LRRC4C: variants seen among roughly 807,000 people sequenced by gnomAD.
LRRC4C encodes leucine rich repeat containing 4C.
LRRC4C carries 5 observed loss-of-function variants against 33.6 expected under a neutral mutation model. The ratio of observed to expected loss-of-function variants is 0.15; its 90% CI spans 0.08 to 0.31. The LOEUF is 0.31. Ranked by LOEUF, LRRC4C falls within the 10% of genes least tolerant of loss-of-function variation. The probability of loss-of-function intolerance (pLI) is 1.00; values close to 1 mark genes in which losing one functional copy is unlikely to be tolerated. For missense variants in LRRC4C, 560 were observed against 796.7 expected (o/e 0.70, Z 3.58); for synonymous variants, 329 against 302.0 (o/e 1.09, Z -0.93).
At chr11:41,366,229 GAT>G (rs1952536929) in intron 1 of LRRC4C, among the ~76,000 whole-genome samples, 1 of 146,220 alleles carries the variant, frequency 6.8e-6, no homozygotes, top group Non-Finnish European at 1.5e-5. Flanking sequence ...TAGATAGATA[GAT>G]AGATAGATAG....
intron 2 of LRRC4C, among the ~76,000 whole-genome samples, chr11:40,895,329 T>TA (rs1232522569): frequency 1.1e-5 from 1 of 93,142 alleles, no homozygotes; most frequent in Non-Finnish European, 2.4e-5. Flanking sequence ...TATAATATGT[T>TA]AAAAAATCCC....
chr11:40,607,553 A>G (rs58568198), intron 3 of LRRC4C, among the ~76,000 whole-genome samples: 65,579 of 151,752 alleles, frequency 0.43, 15,221 homozygotes, highest in Middle Eastern at 0.57. Context: ...GAGGGCCATC[A>G]GAGAAGAGCT....
chr11:40,307,941 A>T (rs753761706), intron 4 of LRRC4C, among the ~76,000 whole-genome samples: 1 of 152,230 alleles, frequency 6.6e-6, no homozygotes. Flanking sequence ...CTCTTTGCAC[A>T]TGTAGGAACA....
chr11:41,390,231 C>G (rs141483230), intron 1 of LRRC4C, among the ~76,000 whole-genome samples: 2 of 151,750 alleles, frequency 1.3e-5, no homozygotes, highest in African/African-American at 4.8e-5. Flanking sequence ...CTCTTTAAAA[C>G]AAAACAAAAT....
At chr11:41,320,435 C>T (rs1011112395) in intron 1 of LRRC4C, among the ~76,000 whole-genome samples, 3 of 152,126 alleles carry the variant, frequency 2.0e-5, no homozygotes, top group Non-Finnish European at 4.4e-5. Context: ...GTGAAAAATG[C>T]TTTCAATAGA....
At chr11:40,987,227 TA>T (rs1396429916) in intron 1 of LRRC4C, among the ~76,000 whole-genome samples, 2 of 152,122 alleles carry the variant, frequency 1.3e-5, no homozygotes, top group Admixed American at 1.3e-4. Context: ...ACCATGTCCA[TA>T]AAAAGATGGA....
chr11:40,828,216 A>T (rs545590328), intron 2 of LRRC4C, among the ~76,000 whole-genome samples: 4 of 151,596 alleles, frequency 2.6e-5, no homozygotes, highest in African/African-American at 9.6e-5. Flanking sequence ...ATATAAGTAT[A>T]TATTATATAC....
intron 3 of LRRC4C, among the ~76,000 whole-genome samples, chr11:40,437,580 G>A (rs1951196725): frequency 6.6e-6 from 1 of 151,844 alleles, no homozygotes; most frequent in Non-Finnish European, 1.5e-5. Flanking sequence ...TTTTAGTAGA[G>A]ACTCGGTTTC....
intron 3 of LRRC4C, among the ~76,000 whole-genome samples, chr11:40,643,923 T>C (rs948809077): frequency 1.3e-5 from 2 of 152,122 alleles, no homozygotes; most frequent in Non-Finnish European, 2.9e-5. Context: ...CATAATATCA[T>C]ACTCAAAATG....
chr11:40,792,903 C>T (rs1048749743), intron 2 of LRRC4C, among the ~76,000 whole-genome samples: 16 of 151,866 alleles, frequency 1.1e-4, no homozygotes, highest in East Asian at 1.9e-4. Context: ...AACCAAACAC[C>T]GCATGTTCTC....
chr11:41,033,438 G>T (rs967461256), intron 1 of LRRC4C, among the ~76,000 whole-genome samples: 4 of 151,996 alleles, frequency 2.6e-5, no homozygotes, highest in African/African-American at 9.7e-5. Context: ...GGTTGAGCTG[G>T]GATACATCTC....
intron 1 of LRRC4C, among the ~76,000 whole-genome samples, chr11:41,200,456 T>C (rs940422204): frequency 3.9e-5 from 6 of 152,184 alleles, no homozygotes; most frequent in Non-Finnish European, 8.8e-5. Context: ...TATTTTGCTT[T>C]TAGAGGTTCA....
At chr11:40,594,193 C>T (rs1372580645) in intron 3 of LRRC4C, among the ~76,000 whole-genome samples, 1 of 152,172 alleles carries the variant, frequency 6.6e-6, no homozygotes, top group Non-Finnish European at 1.5e-5. Context: ...TAAATGTTAG[C>T]TCTTTAATTG....
At chr11:40,587,710 C>T (rs1414932304) in intron 3 of LRRC4C, among the ~76,000 whole-genome samples, 12 of 150,950 alleles carry the variant, frequency 7.9e-5, no homozygotes, top group African/African-American at 2.7e-4. Context: ...TGTCAAAGGC[C>T]TTTTCTGCAT....
intron 2 of LRRC4C, among the ~76,000 whole-genome samples, chr11:40,827,621 A>G (rs747290792): frequency 1.3e-5 from 2 of 151,796 alleles, no homozygotes; most frequent in Non-Finnish European, 2.9e-5. Context: ...CTTAGAGAAA[A>G]GTAATTGAAT....
chr11:40,405,531 G>C (rs1449819221), intron 3 of LRRC4C, among the ~76,000 whole-genome samples: 8 of 149,908 alleles, frequency 5.3e-5, no homozygotes, highest in African/African-American at 2.0e-4. Flanking sequence ...CAGCTACTCG[G>C]GAGGCTGAGG....
chr11:41,182,375 G>A (rs936948082), intron 1 of LRRC4C, among the ~76,000 whole-genome samples: 6 of 152,098 alleles, frequency 3.9e-5, no homozygotes, highest in Non-Finnish European at 8.8e-5. Flanking sequence ...TGAAATTTCA[G>A]GCCATATGAA....
chr11:40,753,462 G>A (rs1158436756), intron 2 of LRRC4C, among the ~76,000 whole-genome samples: 2 of 149,860 alleles, frequency 1.3e-5, no homozygotes, highest in Non-Finnish European at 3.0e-5. Context: ...TGCTTATATT[G>A]TAAAATTCAA....
chr11:40,926,340 C>T (rs1339718821), intron 2 of LRRC4C, among the ~76,000 whole-genome samples: 1 of 151,792 alleles, frequency 6.6e-6, no homozygotes, highest in Non-Finnish European at 1.5e-5. Flanking sequence ...CAAAAATGGA[C>T]AACTAATGAA....
Sources: gnomAD v4.1 joint callset for allele counts (sites outside exome capture counted in the v4.1 genomes callset) on GRCh38, gnomAD v4.1.1 for gene constraint, MANE v1.5 for transcripts, NCBI Gene and HGNC (gene_info 2026-07-23, HGNC 2026-07-21) for gene names.